STS: variants seen among roughly 807,000 people sequenced by gnomAD.
The protein encoded by STS is steroid sulfatase, also known as steryl-sulfatase.
STS carries 7 observed loss-of-function variants against 26.8 expected under a neutral mutation model. That is an observed-to-expected ratio of 0.26 (90% confidence interval 0.15 to 0.49). The LOEUF is 0.49. STS is among the 20% of genes least tolerant of loss of function. The probability of loss-of-function intolerance (pLI) is 0.98; values close to 1 mark genes in which losing one functional copy is unlikely to be tolerated. For synonymous variants in STS, 199 were observed against 189.4 expected (o/e 1.05, Z -0.42); for missense variants, 434 against 465.6 (o/e 0.93, Z 0.63).
intron 8 of STS, among the ~76,000 whole-genome samples, chrX:7,315,565 G>T (rs891884770): frequency 9.0e-6 from 1 of 111,634 alleles, no homozygotes; most frequent in Non-Finnish European, 1.9e-5. Flanking sequence ...GAGCCAGAAA[G>T]CCAGTCCGAG....
chrX:7,205,787 A>G (rs1354805157), intron 2 of STS, among the ~76,000 whole-genome samples: 1 of 108,751 alleles, frequency 9.2e-6, no homozygotes, highest in East Asian at 2.9e-4. Context: ...GGCTAATTAA[A>G]AAACAAATTG....
At chrX:7,247,516 A>G (rs1396239726) in intron 2 of STS, among the ~76,000 whole-genome samples, 1 of 112,427 alleles carries the variant, frequency 8.9e-6, no homozygotes, top group Non-Finnish European at 1.9e-5. Flanking sequence ...GATTGCATGG[A>G]ACAACTGTAT....
At chrX:7,184,785 A>G (rs188731704) in intron 1 of STS, among the ~76,000 whole-genome samples, 12 of 112,074 alleles carry the variant, frequency 1.1e-4, no homozygotes, top group African/African-American at 3.6e-4. Context: ...ATGTATGACT[A>G]TTCCTCCCAG....
At chrX:7,301,059 G>A (rs951755993) in intron 7 of STS, among the ~76,000 whole-genome samples, 1 of 110,838 alleles carries the variant, frequency 9.0e-6, no homozygotes, top group Admixed American at 9.7e-5. Flanking sequence ...GTGTAAGGTG[G>A]GCACTTCATA....
intron 1 of STS, among the ~76,000 whole-genome samples, chrX:7,179,102 A>G (rs906232617): frequency 9.4e-6 from 1 of 106,420 alleles, no homozygotes; most frequent in Non-Finnish European, 1.9e-5. Context: ...GAAAGTGGTG[A>G]CTTACTTTCT....
intron 1 of STS, among the ~76,000 whole-genome samples, chrX:7,172,229 T>C (rs1241157397): frequency 1.8e-5 from 2 of 111,514 alleles, no homozygotes; most frequent in African/African-American, 6.5e-5. Context: ...AATCAGTAAT[T>C]GTATTATAGG....
Position 7,212,619 on chromosome X carries a change from A to G in STS, c.-5+21611A>G, listed in dbSNP as rs746233315. ...CCCAGGAGTTACTCCTTTTAAATAG[A>G]TAGCTCATCTACAGATCCTGCAGAT... On this transcript the variant is annotated intron_variant, in intron 2 of 10. Transcript: ENST00000674429. 8.9e-5 allele frequency among the ~76,000 whole-genome samples: 10 copies of G among 112,299 alleles called. No homozygotes were observed. The East Asian group carries it at 2.8e-3, about 31-fold the overall frequency.
intron 1 of STS, among the ~76,000 whole-genome samples, chrX:7,155,574 CTT>C (rs1445362848): frequency 1.8e-5 from 2 of 111,566 alleles, no homozygotes; most frequent in Non-Finnish European, 3.8e-5. Context: ...TTTTTATAAA[CTT>C]GAGGAAATGC....
In STS at chrX:7,350,098, T is replaced by C. The variant is rs753563325; in HGVS notation, c.1574T>C (p.Met525Thr). 52 of 1,210,514 alleles carry C rather than the reference T, an allele frequency of 4.3e-5. No individual in the cohort carries two copies. The highest frequency in any genetic ancestry group is 5.7e-5 in the Non-Finnish European group (51 of 895,280). The change falls in exon 11 of 11, where the codon ATG (methionine) becomes ACG (threonine). Residue 525 changes from methionine (M) to threonine (T), a missense_variant. Coordinates refer to ENST00000674429, the MANE Select transcript of STS (RefSeq NM_001320752.2). ...EPRFYEILKV[M>T]QEAADRHTQT... ...CGGTTTTATGAAATCCTCAAAGTCA[T>C]GCAGGAAGCTGCGGACAGACACACC...
chrX:7,323,388 CT>C (rs1342229257), intron 8 of STS, among the ~76,000 whole-genome samples: 5 of 110,812 alleles, frequency 4.5e-5, no homozygotes, highest in African/African-American at 1.3e-4. Context: ...TCTTTCCCCC[CT>C]AGTAGTTCCC....
At chrX:7,248,609 G>A (rs902974679) in intron 2 of STS, among the ~76,000 whole-genome samples, 5 of 111,704 alleles carry the variant, frequency 4.5e-5, no homozygotes, top group African/African-American at 1.6e-4. Flanking sequence ...AAAGGATTGC[G>A]TTATTTTAAC....
chrX:7,148,508 G>A (rs1398597169), intron 1 of STS, among the ~76,000 whole-genome samples: 1 of 112,977 alleles, frequency 8.9e-6, no homozygotes, highest in Non-Finnish European at 1.9e-5. Context: ...AGGAGGGACA[G>A]TACAAGGGGC....
intron 2 of STS, among the ~76,000 whole-genome samples, chrX:7,221,432 C>T (rs780047376): frequency 1.8e-5 from 2 of 112,257 alleles, no homozygotes; most frequent in African/African-American, 6.5e-5. Flanking sequence ...CCTTGTGGAG[C>T]GTTTGTTTAG....
intron 2 of STS, among the ~76,000 whole-genome samples, chrX:7,212,779 G>C (rs1350595246): frequency 3.6e-5 from 4 of 112,029 alleles, no homozygotes; most frequent in Admixed American, 2.8e-4. Flanking sequence ...TAGTGAATTT[G>C]CTTGATTAAA....
At chrX:7,273,602 C>A (rs1425599688) in intron 6 of STS, among the ~76,000 whole-genome samples, 2 of 111,710 alleles carry the variant, frequency 1.8e-5, no homozygotes, top group Non-Finnish European at 3.8e-5. Context: ...CGGCTTTCCC[C>A]ACTCAGTTCA....
At chrX:7,271,969 T>G (rs1164609345) in intron 6 of STS, among the ~76,000 whole-genome samples, 1 of 109,399 alleles carries the variant, frequency 9.1e-6, no homozygotes, top group African/African-American at 3.3e-5. Context: ...TTCAAAGGAG[T>G]AGGGGGTTAA....
In STS at chrX:7,350,330, T is replaced by G; in HGVS notation, c.*69T>G. 2 of 1,140,633 alleles carry G rather than the reference T, an allele frequency of 1.8e-6. No individual in the cohort carries two copies. Among genetic ancestry groups the G allele is most frequent in the Non-Finnish European group, 1.2e-6 (1 of 853,381 alleles). The allele number at this position is 1,140,633 out of a possible 1,213,427, so 94.0% of individuals were successfully genotyped here. On this transcript the variant is annotated 3_prime_UTR_variant, in exon 11 of 11. Transcript: ENST00000674429. ...TCTTCACTACAAACACGCCTGAGAG[T>G]GGCACTGGGGAAACATAACTCCATC...
intron 7 of STS, among the ~76,000 whole-genome samples, chrX:7,296,112 T>G (rs1349295217): frequency 2.7e-5 from 3 of 111,680 alleles, no homozygotes; most frequent in Non-Finnish European, 5.6e-5. Context: ...CCTCCCTCCC[T>G]TGTGGCTCAG....
intron 8 of STS, among the ~76,000 whole-genome samples, chrX:7,312,464 T>C (rs1372674910): frequency 9.0e-6 from 1 of 111,663 alleles, no homozygotes. Context: ...AATAAGAACT[T>C]ACTGAATGAG....
Sources: gnomAD v4.1 joint callset for allele counts (sites outside exome capture counted in the v4.1 genomes callset) on GRCh38, gnomAD v4.1.1 for gene constraint, MANE v1.5 for transcripts, NCBI Gene and HGNC (gene_info 2026-07-23, HGNC 2026-07-21) for gene names.